The following SEPTIN14 variants were observed in gnomAD, a reference collection of about 807,000 sequenced individuals.
The protein encoded by SEPTIN14 is septin-14.
SEPTIN14 carries 40 observed loss-of-function variants against 53.6 expected under a neutral mutation model. The observed-to-expected ratio is 0.75, with a 90% CI of 0.58 to 0.97. The LOEUF is 0.97. Ranked by LOEUF, SEPTIN14 falls within the 50% of genes least tolerant of loss-of-function variation. The pLI, the probability that SEPTIN14 is intolerant of heterozygous loss-of-function variation, is 0.00. For missense variants in SEPTIN14, 471 were observed against 508.2 expected, an observed-to-expected ratio of 0.93 and a Z score of 0.70; for synonymous variants, 138 against 166.8, an observed-to-expected ratio of 0.83 and a Z score of 1.33.
chr7:55,811,947 C>T (rs1022088446), intron 7 of SEPTIN14, among the ~76,000 whole-genome samples: 1 of 152,052 alleles, frequency 6.6e-6, no homozygotes, highest in African/African-American at 2.4e-5. Context: ...GCGCCCGCCA[C>T]CACACATGGC....
chr7:55,851,578 A>G (rs1223410699), intron 2 of SEPTIN14, among the ~76,000 whole-genome samples: 1 of 152,242 alleles, frequency 6.6e-6, no homozygotes, highest in Non-Finnish European at 1.5e-5. Flanking sequence ...GAAATTGAAA[A>G]GGACACAAAA....
intron 2 of SEPTIN14, among the ~76,000 whole-genome samples, chr7:55,855,210 G>C (rs1005024533): frequency 5.9e-5 from 9 of 151,778 alleles, no homozygotes; most frequent in African/African-American, 2.2e-4. Flanking sequence ...GGGTTTCACC[G>C]TGTTAGCCAG....
At chr7:55,802,012 T>C (rs1441290608) in intron 9 of SEPTIN14, among the ~76,000 whole-genome samples, 1 of 146,636 alleles carries the variant, frequency 6.8e-6, no homozygotes, top group Admixed American at 6.8e-5. Flanking sequence ...TTTTTTTTTT[T>C]TCTATGAGAC....
intron 6 of SEPTIN14, among the ~76,000 whole-genome samples, chr7:55,828,079 C>T (rs762736128): frequency 6.6e-5 from 10 of 151,278 alleles, no homozygotes; most frequent in Non-Finnish European, 1.3e-4. Context: ...CTAGCTCTCT[C>T]GCAATGGATC....
chr7:55,827,162 C>T (rs1789003196), intron 6 of SEPTIN14, among the ~76,000 whole-genome samples: 1 of 152,202 alleles, frequency 6.6e-6, no homozygotes, highest in Non-Finnish European at 1.5e-5. Context: ...GGCACATGAT[C>T]GCTCTCTCTG....
rs190499241 is a variant in SEPTIN14, at chr7:55,794,147, G to A, written c.*1766C>T. ...ATGTTCTGTTAGCATGAATCCTTCTGTGCCCTCAAAAACCCTATGGATTAT... is the reference window on the plus strand; with the variant it reads ...ATGTTCTGTTAGCATGAATCCTTCTATGCCCTCAAAAACCCTATGGATTAT... On this transcript the variant is annotated 3_prime_UTR_variant, in exon 10 of 10. Coordinates refer to ENST00000388975, the MANE Select transcript of SEPTIN14 (RefSeq NM_207366.3). The A allele has an allele frequency of 2.8e-3, 424 of 152,126 alleles. 5 individuals carry two copies. The highest frequency in any genetic ancestry group is 9.8e-3 in the African/African-American group (408 of 41,504). 9.4% of individuals were successfully genotyped at this position (152,126 alleles called of 1,614,324 possible).
intron 2 of SEPTIN14, among the ~76,000 whole-genome samples, chr7:55,849,915 T>G (rs6959238): frequency 0.021 from 3,225 of 152,106 alleles, 115 homozygotes; most frequent in African/African-American, 0.072. Flanking sequence ...CCAACAAACT[T>G]GAAAATAAAT....
chr7:55,830,349 A>ATTTTTTTTTTTTTTTTTTTT (rs1216458496), intron 6 of SEPTIN14, among the ~76,000 whole-genome samples: 5 of 56,840 alleles, frequency 8.8e-5, no homozygotes, highest in African/African-American at 5.0e-4. Context: ...ATATATATAT[A>ATTTTTTTTTTTTTTTTTTTT]TTTTTTTTTT....
At chr7:55,810,922 T>C (rs1215830828) in intron 7 of SEPTIN14, 1 of 373,628 alleles carries the variant, frequency 2.7e-6, no homozygotes, top group Non-Finnish European at 5.3e-6. Context: ...GTAACAGTGA[T>C]AGCACAGCTT....
intron 2 of SEPTIN14, among the ~76,000 whole-genome samples, chr7:55,856,399 G>GTT (rs375815044): frequency 1.8e-3 from 268 of 147,896 alleles, no homozygotes; most frequent in African/African-American, 6.2e-3. Flanking sequence ...CCACTTTTTC[G>GTT]TTTTTTTTTT....
intron 9 of SEPTIN14, among the ~76,000 whole-genome samples, chr7:55,797,364 A>G (rs1297968446): frequency 6.6e-6 from 1 of 152,222 alleles, no homozygotes; most frequent in Non-Finnish European, 1.5e-5. Flanking sequence ...CAATATAATC[A>G]AATAGTCAAA....
At chr7:55,815,742 G>T (rs1788780174) in intron 7 of SEPTIN14, among the ~76,000 whole-genome samples, 1 of 152,174 alleles carries the variant, frequency 6.6e-6, no homozygotes, top group Admixed American at 6.6e-5. Flanking sequence ...CTTGTACACT[G>T]TTGATAGGAA....
intron 6 of SEPTIN14, among the ~76,000 whole-genome samples, chr7:55,824,925 T>A (rs551252134): frequency 6.6e-6 from 1 of 151,384 alleles, no homozygotes; most frequent in South Asian, 2.1e-4. Flanking sequence ...AGTAACCACA[T>A]CGTAAGACTG....
At chr7:55,854,914 T>C (rs1404327994) in intron 2 of SEPTIN14, among the ~76,000 whole-genome samples, 1 of 152,232 alleles carries the variant, frequency 6.6e-6, no homozygotes, top group Non-Finnish European at 1.5e-5. Flanking sequence ...GTTATATTCA[T>C]TTCTAGCTTC....
At chr7:55,799,979 T>C (rs1435847369) in intron 9 of SEPTIN14, among the ~76,000 whole-genome samples, 1 of 152,200 alleles carries the variant, frequency 6.6e-6, no homozygotes, top group African/African-American at 2.4e-5. Context: ...AGATCATATA[T>C]TGGGCCACAA....
intron 9 of SEPTIN14, among the ~76,000 whole-genome samples, chr7:55,804,848 A>C (rs1296921549): frequency 6.6e-6 from 1 of 152,094 alleles, no homozygotes; most frequent in African/African-American, 2.4e-5. Flanking sequence ...CCAACTTAAA[A>C]TTTTCTCATT....
chr7:55,807,330 G>T, intron 7 of SEPTIN14, 72 bp from the exon 8 acceptor site: 1 of 885,478 alleles, frequency 1.1e-6, no homozygotes, highest in Middle Eastern at 2.3e-4. Flanking sequence ...GTTCATGAAT[G>T]AATACATGAA....
chr7:55,828,300 T>A (rs1162976589), intron 6 of SEPTIN14, among the ~76,000 whole-genome samples: 1 of 51,058 alleles, frequency 2.0e-5, no homozygotes, highest in Non-Finnish European at 3.5e-5. Context: ...AGATGAAAGC[T>A]TTTTTTTTTT....
At chr7:55,847,211 A>AAATT (rs1364287400) in intron 2 of SEPTIN14, among the ~76,000 whole-genome samples, 1 of 152,104 alleles carries the variant, frequency 6.6e-6, no homozygotes, top group Non-Finnish European at 1.5e-5. Context: ...CTGTCTCAAA[A>AAATT]AATTAATTAA....
Sources: allele counts gnomAD v4.1 joint callset (sites outside exome capture counted in the v4.1 genomes callset), GRCh38; gene constraint gnomAD v4.1.1; transcripts MANE v1.5; gene names NCBI Gene and HGNC (gene_info 2026-07-23, HGNC 2026-07-21).